FHIT: variants seen among roughly 807,000 people sequenced by gnomAD.
The protein encoded by FHIT is fragile histidine triad diadenosine triphosphatase.
Under a neutral mutation model 17.9 loss-of-function variants are expected in FHIT, and 19 were observed. That is an observed-to-expected ratio of 1.06 (90% CI 0.74 to 1.56). The LOEUF (loss-of-function observed/expected upper bound fraction) is 1.56, where lower values mean the gene tolerates loss of function less well. Ranked by LOEUF, FHIT falls within the 40% of genes most tolerant of loss-of-function variation. The pLI, the probability that FHIT is intolerant of heterozygous loss-of-function variation, is 0.00. For missense variants in FHIT, 248 were observed against 189.2 expected, an observed-to-expected ratio of 1.31 and a Z score of -1.82; for synonymous variants, 81 against 69.7, an observed-to-expected ratio of 1.16 and a Z score of -0.81.
chr3:61,135,309 G>A (rs1250195688), intron 2 of FHIT, among the ~76,000 whole-genome samples: 1 of 152,210 alleles, frequency 6.6e-6, no homozygotes, highest in Non-Finnish European at 1.5e-5. Flanking sequence ...ATAGCTCAAA[G>A]TTAAGATCAT....
intron 4 of FHIT, among the ~76,000 whole-genome samples, chr3:60,748,026 T>TCCTA (rs781990742): frequency 2.6e-5 from 4 of 152,154 alleles, no homozygotes; most frequent in Non-Finnish European, 4.4e-5. Flanking sequence ...AGGATGCTGA[T>TCCTA]CCTAGCAAGT....
At chr3:60,964,032 G>A (rs1406138454) in intron 3 of FHIT, among the ~76,000 whole-genome samples, 1 of 152,152 alleles carries the variant, frequency 6.6e-6, no homozygotes, top group Non-Finnish European at 1.5e-5. Flanking sequence ...CCAGTGGAGT[G>A]TTAAAGTCTC....
intron 2 of FHIT, among the ~76,000 whole-genome samples, chr3:61,149,075 T>G (rs2037310119): frequency 6.6e-6 from 1 of 152,190 alleles, no homozygotes; most frequent in Admixed American, 6.5e-5. Context: ...GAAAGAAAAC[T>G]AATTGATGAA....
At chr3:60,382,021 C>A (rs1700819370) in intron 5 of FHIT, among the ~76,000 whole-genome samples, 1 of 152,108 alleles carries the variant, frequency 6.6e-6, no homozygotes, top group Non-Finnish European at 1.5e-5. Flanking sequence ...GTTCAGTAGC[C>A]ACATATGGCT....
intron 5 of FHIT, among the ~76,000 whole-genome samples, chr3:60,200,448 CAT>C (rs1245169636): frequency 6.6e-6 from 1 of 152,098 alleles, no homozygotes. Context: ...TTCTCTAGGA[CAT>C]ATCCCTGGCA....
At chr3:60,563,048 A>G (rs954830293) in intron 4 of FHIT, among the ~76,000 whole-genome samples, 1 of 152,190 alleles carries the variant, frequency 6.6e-6, no homozygotes, top group Non-Finnish European at 1.5e-5. Context: ...GGAAGTTTTT[A>G]GGCAAGGGAG....
chr3:61,139,478 A>G lies in FHIT; in HGVS notation c.-164+61139T>C, dbSNP rs1403120879. On this transcript the variant is annotated intron_variant, in intron 2 of 9. Coordinates refer to ENST00000492590, the MANE Select transcript of FHIT (RefSeq NM_002012.4). Reference sequence around the variant, plus strand: ...TTAGAGATGGGACATCAATTCCAGGACCAGTATCAAGATCTCACATCATTC... The same window carrying G: ...TTAGAGATGGGACATCAATTCCAGGGCCAGTATCAAGATCTCACATCATTC... Among the ~76,000 whole-genome samples the G allele has an allele frequency of 4.6e-5, 7 of 151,786 alleles. No individual in the cohort carries two copies. The East Asian group carries it at 1.4e-3, about 29-fold the overall frequency.
chr3:61,049,402 A>G (rs1376721376), intron 2 of FHIT, among the ~76,000 whole-genome samples: 1 of 151,952 alleles, frequency 6.6e-6, no homozygotes, highest in East Asian at 1.9e-4. Flanking sequence ...GAAATGACAC[A>G]ACTAGAAAAC....
At chr3:60,728,563 TTTTTG>T (rs1379736937) in intron 4 of FHIT, among the ~76,000 whole-genome samples, 12 of 152,130 alleles carry the variant, frequency 7.9e-5, no homozygotes, top group Non-Finnish European at 1.3e-4. Context: ...AGTTTGTTTG[TTTTTG>T]TTTTATTTTG....
intron 4 of FHIT, among the ~76,000 whole-genome samples, chr3:60,805,819 A>G (rs1049579315): frequency 6.6e-6 from 1 of 152,116 alleles, no homozygotes; most frequent in Non-Finnish European, 1.5e-5. Context: ...TCGGCCTCCC[A>G]AAGTGCTGGG....
intron 4 of FHIT, among the ~76,000 whole-genome samples, chr3:60,558,877 CT>C (rs1259956824): frequency 6.6e-6 from 1 of 152,206 alleles, no homozygotes; most frequent in Non-Finnish European, 1.5e-5. Context: ...CCCAGGGAAA[CT>C]TTTCATGGCA....
chr3:60,145,505 A>T (rs1048346174), intron 5 of FHIT, among the ~76,000 whole-genome samples: 1 of 152,176 alleles, frequency 6.6e-6, no homozygotes, highest in African/African-American at 2.4e-5. Flanking sequence ...CTAAAAACAG[A>T]CCTGTGGGAC....
intron 5 of FHIT, among the ~76,000 whole-genome samples, chr3:60,416,754 C>G (rs1186817392): frequency 6.6e-6 from 1 of 152,014 alleles, no homozygotes; most frequent in Non-Finnish European, 1.5e-5. Flanking sequence ...CTCATGTGCA[C>G]AAGGAGGCAT....
chr3:60,125,200 A>C (rs1311241958), intron 5 of FHIT, among the ~76,000 whole-genome samples: 1 of 152,330 alleles, frequency 6.6e-6, no homozygotes, highest in Admixed American at 6.5e-5. Flanking sequence ...GCCAGGGTCT[A>C]GAGTTCCCAC....
chr3:60,766,222 T>A (rs1373914751), intron 4 of FHIT, among the ~76,000 whole-genome samples: 2 of 152,188 alleles, frequency 1.3e-5, no homozygotes, highest in African/African-American at 4.8e-5. Context: ...TAAGAAGAGA[T>A]GTCTATTCTT....
intron 5 of FHIT, among the ~76,000 whole-genome samples, chr3:60,170,461 G>C (rs1016449): frequency 2.0e-5 from 3 of 152,146 alleles, no homozygotes; most frequent in Non-Finnish European, 4.4e-5. Flanking sequence ...TCCATCCCAC[G>C]TGAGTATAAA....
chr3:59,753,298 A>AAAAATT (rs1252260666), intron 8 of FHIT, among the ~76,000 whole-genome samples: 1 of 152,246 alleles, frequency 6.6e-6, no homozygotes, highest in African/African-American at 2.4e-5. Flanking sequence ...ACAACTTACA[A>AAAAATT]AAAATTAACA....
intron 3 of FHIT, among the ~76,000 whole-genome samples, chr3:60,918,124 C>A (rs1238407567): frequency 6.6e-6 from 1 of 152,216 alleles, no homozygotes; most frequent in Non-Finnish European, 1.5e-5. Flanking sequence ...AGTTCCCCTG[C>A]GCAAGCTCTC....
chr3:59,791,614 A>T (rs980514286), intron 8 of FHIT, among the ~76,000 whole-genome samples: 1 of 152,140 alleles, frequency 6.6e-6, no homozygotes, highest in Non-Finnish European at 1.5e-5. Context: ...TAATTTCTCT[A>T]TGTTGCAGTC....
Sources: allele counts gnomAD v4.1 joint callset (sites outside exome capture counted in the v4.1 genomes callset), GRCh38; gene constraint gnomAD v4.1.1; transcripts MANE v1.5; gene names NCBI Gene and HGNC (gene_info 2026-07-23, HGNC 2026-07-21).